Variants in PHF8 observed in about 807,000 individuals in gnomAD.
The protein encoded by PHF8 is histone lysine demethylase PHF8.
In PHF8, 9 loss-of-function variants were observed where a neutral mutation model predicts 74.4. The ratio of observed to expected loss-of-function variants is 0.12; its 90% CI spans 0.07 to 0.21. PHF8 has a LOEUF of 0.21. Ranked by LOEUF, PHF8 falls within the 10% of genes least tolerant of loss-of-function variation. The pLI is 1.00. For missense variants in PHF8, 478 were observed against 816.6 expected (o/e 0.59, Z 5.05); for synonymous variants, 311 against 316.6 (o/e 0.98, Z 0.19).
In PHF8 at chrX:54,016,732, A is replaced by T. The variant is rs1464313570; in HGVS notation, c.459T>A (p.Ser153=). The part of the protein sequence containing the change: ...TVRDVEHYVG[S]DKEIDVIDVT... Reference sequence around the variant, plus strand: ...CATCAATCACATCAATCTCTTTGTCAGAACCTGGAGTAAAGAGATAGGTTC... The same window carrying T: ...CATCAATCACATCAATCTCTTTGTCTGAACCTGGAGTAAAGAGATAGGTTC... Residue 153 remains serine, a synonymous_variant, in exon 6 of 22, where the codon TCT becomes TCA. Coordinates refer to ENST00000338154, the MANE Select transcript of PHF8 (RefSeq NM_015107.3). 8.3e-7 allele frequency: 1 copy of T among 1,198,746 alleles called. No homozygotes were observed. Among genetic ancestry groups the T allele is most frequent in the Non-Finnish European group, 1.1e-6 (1 of 885,433 alleles).
At chrX:54,037,788 G>A (rs139494182) in intron 2 of PHF8, among the ~76,000 whole-genome samples, 5,595 of 112,345 alleles carry the variant, frequency 0.05, 161 homozygotes, top group Middle Eastern at 0.082. Flanking sequence ...ATAATTAGGC[G>A]AAGTGGTTAG....
intron 18 of PHF8, among the ~76,000 whole-genome samples, chrX:53,981,753 T>C (rs892120045): frequency 8.9e-6 from 1 of 112,219 alleles, no homozygotes; most frequent in Non-Finnish European, 1.9e-5. Flanking sequence ...TATTTTGGCT[T>C]CAAAGTCACA....
intron 18 of PHF8, among the ~76,000 whole-genome samples, chrX:53,964,573 T>C (rs956383199): frequency 3.6e-5 from 4 of 110,913 alleles, no homozygotes; most frequent in African/African-American, 1.3e-4. Context: ...ATCATAGAAA[T>C]AGAAAGTAGA....
chrX:53,937,935 A>C lies in PHF8; in HGVS notation c.*1223T>G. The C allele has an allele frequency of 9.4e-7, 1 of 1,068,142 alleles. No homozygotes were observed. Among genetic ancestry groups the C allele is most frequent in the African/African-American group, 1.8e-5 (1 of 54,279 alleles). The allele number at this position is 1,068,142 out of a possible 1,213,427, so 88.0% of individuals were successfully genotyped here. On this transcript the variant is annotated 3_prime_UTR_variant, in exon 22 of 22. Transcript: ENST00000338154. The stretch of plus-strand genomic sequence containing the variant: ...GTCTGGACAATGGAGACAATCCACG[A>C]AGGAAGGACAGGGGAAGGGGAGGAT...
rs1203361942 is a variant in PHF8 at position 53,938,278 on chromosome X, A to T, written c.*880T>A. ...ATCTGCGTCATTGGCAGGTGCTTTC[A>T]GGTTTCTGGGAGATGGTTTTCCACC... On this transcript the variant is annotated 3_prime_UTR_variant, in exon 22 of 22. Transcript: ENST00000338154. 2 of 1,031,163 alleles carry T rather than the reference A, an allele frequency of 1.9e-6. No homozygotes were observed. The highest frequency in any genetic ancestry group is 8.4e-5 in the Admixed American group (2 of 23,740). 85.0% of individuals were successfully genotyped at this position (1,031,163 alleles called of 1,213,427 possible).
intron 18 of PHF8, among the ~76,000 whole-genome samples, chrX:53,974,014 C>T (rs1475590863): frequency 1.8e-5 from 2 of 111,394 alleles, no homozygotes; most frequent in African/African-American, 6.5e-5. Flanking sequence ...AATCTCAGCA[C>T]TTTGGGGGGC....
intron 18 of PHF8, among the ~76,000 whole-genome samples, chrX:53,979,796 C>T (rs1557097419): frequency 9.0e-6 from 1 of 111,412 alleles, no homozygotes; most frequent in Non-Finnish European, 1.9e-5. Context: ...TAAAGCTAGC[C>T]TGGACAACAT....
At chrX:53,992,463 G>C (rs1557101624) in intron 14 of PHF8, among the ~76,000 whole-genome samples, 6 of 111,812 alleles carry the variant, frequency 5.4e-5, no homozygotes. Flanking sequence ...GCTGCCAGTG[G>C]TTCTCTCCCA....
intron 8 of PHF8, among the ~76,000 whole-genome samples, chrX:54,007,653 T>C (rs1319154473): frequency 8.9e-6 from 1 of 112,302 alleles, no homozygotes; most frequent in Non-Finnish European, 1.9e-5. Flanking sequence ...GGAAAGATGT[T>C]AAACATCAAA....
At chrX:53,958,829 GGTAA>G (rs1238497763) in intron 19 of PHF8, among the ~76,000 whole-genome samples, 8 of 106,860 alleles carry the variant, frequency 7.5e-5, no homozygotes, top group African/African-American at 2.7e-4. Context: ...ACTCCAGGTG[GGTAA>G]GTAGAAGGCT....
intron 18 of PHF8, among the ~76,000 whole-genome samples, chrX:53,970,910 C>T (rs1323643487): frequency 9.0e-6 from 1 of 111,218 alleles, no homozygotes; most frequent in African/African-American, 3.3e-5. Context: ...GACTTTAATA[C>T]CCCACTGACG....
chrX:53,951,180 G>A (rs2064917648), intron 19 of PHF8, among the ~76,000 whole-genome samples: 1 of 111,973 alleles, frequency 8.9e-6, no homozygotes, highest in Non-Finnish European at 1.9e-5. Context: ...CTTCCCTAGA[G>A]GGTTTCAATA....
At chrX:53,995,325 C>A in intron 12 of PHF8, 1 of 322,015 alleles carries the variant, frequency 3.1e-6, no homozygotes, top group South Asian at 3.1e-5. Flanking sequence ...CTACTGTGTG[C>A]CAAGCACTCT....
At chrX:53,988,329 T>A (rs2065599544) in intron 14 of PHF8, among the ~76,000 whole-genome samples, 1 of 111,731 alleles carries the variant, frequency 9.0e-6, no homozygotes, top group Non-Finnish European at 1.9e-5. Flanking sequence ...AAAGGATGGT[T>A]TTTTTCAGTA....
At chrX:54,046,302 T>C (rs781897445), upstream of PHF8, among the ~76,000 whole-genome samples, 142 of 110,288 alleles carry the variant, frequency 1.3e-3, 1 homozygote, top group African/African-American at 4.5e-3. Context: ...AAGAAAAAAA[T>C]AGCCGGGCGC....
At chrX:54,017,936 G>A in intron 4 of PHF8, 115 bp from the exon 5 acceptor site, 1 of 646,456 alleles carries the variant, frequency 1.5e-6, no homozygotes. Flanking sequence ...AATGTGAGCT[G>A]GCAACTAATG....
chrX:54,044,785 G>A, upstream of PHF8: 1 of 730,057 alleles, frequency 1.4e-6, no homozygotes, highest in Non-Finnish European at 2.0e-6. Flanking sequence ...CTCCTCCTAT[G>A]AGAGGAGGTG....
chrX:54,019,301 T>C (rs1557109118), intron 4 of PHF8, among the ~76,000 whole-genome samples: 1 of 104,726 alleles, frequency 9.5e-6, no homozygotes, highest in African/African-American at 3.5e-5. Flanking sequence ...CTACAAAAAA[T>C]ACAAAAAAAA....
intron 2 of PHF8, among the ~76,000 whole-genome samples, chrX:54,036,130 AAAG>A (rs1303833981): frequency 5.5e-5 from 6 of 109,318 alleles, no homozygotes; most frequent in Non-Finnish European, 1.1e-4. Flanking sequence ...AGAAAAGAAA[AAAG>A]AAAAAATCAG....
Sources: allele counts gnomAD v4.1 joint callset (sites outside exome capture counted in the v4.1 genomes callset), GRCh38; gene constraint gnomAD v4.1.1; transcripts MANE v1.5; gene names NCBI Gene and HGNC (gene_info 2026-07-23, HGNC 2026-07-21).